NDUFB5: variants seen among roughly 807,000 people sequenced by gnomAD.
NDUFB5 encodes the protein NADH dehydrogenase [ubiquinone] 1 beta subcomplex subunit 5, mitochondrial.
A neutral mutation model predicts 19.4 loss-of-function variants in NDUFB5; 19 were observed. The ratio of observed to expected loss-of-function variants is 0.98; its 90% CI spans 0.68 to 1.43. The LOEUF is 1.43. Among genes scored for constraint, NDUFB5 ranks in the 40% most tolerant of loss-of-function variants. NDUFB5 has a pLI of 0.00. For missense variants in NDUFB5, 233 were observed against 236.5 expected (o/e 0.99, Z 0.10); for synonymous variants, 80 against 82.6 (o/e 0.97, Z 0.17).
intron 5 of NDUFB5, among the ~76,000 whole-genome samples, chr3:179,623,643 T>C (rs1160041419): frequency 6.6e-6 from 1 of 152,146 alleles, no homozygotes; most frequent in Non-Finnish European, 1.5e-5. Flanking sequence ...CATAGCACTC[T>C]GACCTGGGCA....
Position 179,624,455 on chromosome 3 carries a change from T to G in NDUFB5, c.*415T>G, listed in dbSNP as rs1719617000. ...AAGTATTGAACCAACTCTAAAATGT[T>G]AACTCCTTAATAAACAGATTCTCAG... On this transcript the variant is annotated 3_prime_UTR_variant, in exon 6 of 6. Transcript: ENST00000259037. 6.5e-6 allele frequency: 1 copy of G among 153,970 alleles called. No homozygotes were observed. 9.5% of individuals were successfully genotyped at this position (153,970 alleles called of 1,614,324 possible).
intron 1 of NDUFB5, among the ~76,000 whole-genome samples, chr3:179,605,186 A>G (rs901708113): frequency 3.3e-5 from 5 of 152,168 alleles, no homozygotes; most frequent in African/African-American, 1.2e-4. Flanking sequence ...TAATTTGCGG[A>G]TGAAGCTGAG....
rs1024412586 is a variant in NDUFB5 at position 179,624,178 on chromosome 3, C to G, written c.*138C>G. 1.3e-6 allele frequency: 1 copy of G among 770,972 alleles called. No individual in the cohort carries two copies. The highest frequency in any genetic ancestry group is 1.8e-5 in the African/African-American group (1 of 54,544). 47.8% of individuals were successfully genotyped at this position (770,972 alleles called of 1,614,324 possible). A position where few individuals can be genotyped will look rare whatever the true frequency, so the allele number is the denominator to read the frequency against. On this transcript the variant is annotated 3_prime_UTR_variant, in exon 6 of 6. Coordinates refer to ENST00000259037, the MANE Select transcript of NDUFB5 (RefSeq NM_002492.4). ...CTCTCAGTGTTGGTTCAGATTGAGG[C>G]TTTTGTTTGAGGAGTTTGGCTTCCA...
intron 1 of NDUFB5, among the ~76,000 whole-genome samples, chr3:179,609,089 G>A (rs1012635908): frequency 6.6e-6 from 1 of 152,190 alleles, no homozygotes; most frequent in Non-Finnish European, 1.5e-5. Context: ...GCTGTATGTG[G>A]TTTCACTTAA....
At chr3:179,618,185 G>A (rs1192757384) in intron 4 of NDUFB5, 1 of 352,552 alleles carries the variant, frequency 2.8e-6, no homozygotes, top group African/African-American at 2.2e-5. Context: ...TTGAGTCCAG[G>A]TGCTGCCATT....
intron 5 of NDUFB5, among the ~76,000 whole-genome samples, 186 bp downstream of exon 5, chr3:179,618,707 C>T (rs1055383404): frequency 2.0e-4 from 30 of 152,018 alleles, no homozygotes; most frequent in African/African-American, 7.0e-4. Flanking sequence ...AGAAATTAGC[C>T]GGGCGTGGTG....
chr3:179,607,866 A>G (rs577185795), intron 1 of NDUFB5: 3 of 693,598 alleles, frequency 4.3e-6, no homozygotes, highest in Non-Finnish European at 7.9e-6. Context: ...TCCCCAAGGC[A>G]TATTTATGTC....
intron 1 of NDUFB5, among the ~76,000 whole-genome samples, chr3:179,614,137 C>T (rs898297552): frequency 5.9e-5 from 9 of 152,188 alleles, no homozygotes; most frequent in Admixed American, 5.2e-4. Flanking sequence ...CAGCTAGATC[C>T]TTTCCTGTTC....
chr3:179,617,164 A>G (rs1048843442), intron 4 of NDUFB5, 120 bp downstream of exon 4: 15 of 696,106 alleles, frequency 2.2e-5, no homozygotes, highest in Non-Finnish European at 3.5e-5. Flanking sequence ...TTGAGACAGC[A>G]TCTCGCTCTG....
rs1196179457 is a variant in NDUFB5, at chr3:179,627,160, T to G, written c.*3120T>G. The G allele has an allele frequency of 2.0e-5, 3 of 152,118 alleles. No individual in the cohort carries two copies. In the East Asian group the frequency reaches 5.8e-4, roughly 29 times the overall value. The allele number at this position is 152,118 out of a possible 1,614,324, so 9.4% of individuals were successfully genotyped here. Reference sequence around the variant, plus strand: ...GTGGAGGAGATGCCACACACTGTTTTAAACAACCAGATCTCTCAGGAACTC... The same window carrying G: ...GTGGAGGAGATGCCACACACTGTTTGAAACAACCAGATCTCTCAGGAACTC... On this transcript the variant is annotated 3_prime_UTR_variant, in exon 6 of 6. Coordinates refer to ENST00000259037, the MANE Select transcript of NDUFB5 (RefSeq NM_002492.4).
intron 1 of NDUFB5, among the ~76,000 whole-genome samples, chr3:179,610,849 T>C (rs1257477214): frequency 2.0e-5 from 3 of 152,226 alleles, no homozygotes; most frequent in South Asian, 2.1e-4. Flanking sequence ...GCATAAATTA[T>C]GGTTTTTAAA....
chr3:179,613,794 A>G (rs1719308870), intron 1 of NDUFB5, among the ~76,000 whole-genome samples: 1 of 152,184 alleles, frequency 6.6e-6, no homozygotes, highest in Admixed American at 6.5e-5. Context: ...TGCTTTCAAG[A>G]TATTTATACT....
At chr3:179,605,770 T>G (rs2108390187) in intron 1 of NDUFB5, among the ~76,000 whole-genome samples, 1 of 150,698 alleles carries the variant, frequency 6.6e-6, no homozygotes, top group African/African-American at 2.4e-5. Flanking sequence ...AGTGCCTAGG[T>G]CTCAGGAAAG....
At chr3:179,619,670 T>C (rs1323022414) in intron 5 of NDUFB5, among the ~76,000 whole-genome samples, 1 of 152,220 alleles carries the variant, frequency 6.6e-6, no homozygotes, top group African/African-American at 2.4e-5. Flanking sequence ...TGTGTGCATG[T>C]GTCTTTATAG....
At chr3:179,623,895 A>G (rs766472252) in intron 5 of NDUFB5, 25 bp from the exon 6 acceptor site, 1 of 1,611,760 alleles carries the variant, frequency 6.2e-7, no homozygotes, top group Non-Finnish European at 8.5e-7. Flanking sequence ...CTGGAATCTC[A>G]ATATTGCTGT....
At chr3:179,618,863 A>C (rs889831131) in intron 5 of NDUFB5, among the ~76,000 whole-genome samples, 1 of 151,684 alleles carries the variant, frequency 6.6e-6, no homozygotes, top group Non-Finnish European at 1.5e-5. Flanking sequence ...AAGGAAAAAA[A>C]AAATGGATAA....
chr3:179,615,324 C>T lies in NDUFB5; in HGVS notation c.213+265C>T, dbSNP rs559271593. The T allele has an allele frequency of 4.8e-5, 13 of 271,530 alleles. No homozygotes were observed. In the East Asian group the frequency reaches 6.1e-4, roughly 13 times the overall value. 16.8% of individuals were successfully genotyped at this position (271,530 alleles called of 1,614,324 possible). On this transcript the variant is annotated intron_variant, in intron 2 of 5. Coordinates refer to ENST00000259037, the MANE Select transcript of NDUFB5 (RefSeq NM_002492.4). ...CTTTCTTCTGAAGATTATGGCGTTT[C>T]GAAATAGAATCTGTGTTCCTATAAC...
chr3:179,605,203 A>C (rs997753450), intron 1 of NDUFB5, among the ~76,000 whole-genome samples: 3 of 152,168 alleles, frequency 2.0e-5, no homozygotes, highest in African/African-American at 7.2e-5. Flanking sequence ...TGAGTCTAGA[A>C]AGGTATAGAG....
intron 1 of NDUFB5, among the ~76,000 whole-genome samples, chr3:179,611,361 G>A (rs1719235724): frequency 6.6e-6 from 1 of 152,002 alleles, no homozygotes; most frequent in African/African-American, 2.4e-5. Flanking sequence ...TGAGATGGTG[G>A]TGCCCTTTAC....
Sources: allele counts gnomAD v4.1 joint callset (sites outside exome capture counted in the v4.1 genomes callset), GRCh38; gene constraint gnomAD v4.1.1; transcripts MANE v1.5; gene names NCBI Gene and HGNC (gene_info 2026-07-23, HGNC 2026-07-21).